Variants in TAOK2 observed in about 807,000 individuals in gnomAD.
The protein encoded by TAOK2 is serine/threonine-protein kinase TAO2.
In TAOK2, 42 loss-of-function variants were observed where a neutral mutation model predicts 122.5. The ratio of observed to expected loss-of-function variants is 0.34; its 90% CI spans 0.27 to 0.44. TAOK2 has a LOEUF of 0.44. Ranked by LOEUF, TAOK2 falls within the 20% of genes least tolerant of loss-of-function variation. The pLI, the probability that TAOK2 is intolerant of heterozygous loss-of-function variation, is 1.00. For synonymous variants in TAOK2, 704 were observed against 677.6 expected (o/e 1.04, Z -0.61); for missense variants, 1,264 against 1,644.9 (o/e 0.77, Z 4.01).
Position 29,987,777 on chromosome 16 carries a change from G to A in TAOK2, c.3505G>A (p.Ala1169Thr), listed in dbSNP as rs777238588. Reference sequence around the variant, plus strand: ...TCTGGCACGGGCCAGCCAGGGTTTAGCATCCCACTTGCCCCCGTGGGCCAT... The same window carrying A: ...TCTGGCACGGGCCAGCCAGGGTTTAACATCCCACTTGCCCCCGTGGGCCAT... ...WRLARASQGLASHLPPWAIHT... is the reference protein window; with the variant it reads ...WRLARASQGLTSHLPPWAIHT... The change falls in exon 16 of 16, where the codon GCA becomes ACA. Residue 1169 changes from alanine (A) to threonine (T), a missense_variant. By Grantham distance (58) the Ala-to-Thr change is moderately conservative. This residue lies in a region of TAOK2 where 824 missense variants were observed against 908.7 expected (regional missense o/e 0.91). Transcript: ENST00000308893. 2 of 1,614,012 alleles carry A rather than the reference G, an allele frequency of 1.2e-6. No individual in the cohort carries two copies. Among genetic ancestry groups the A allele is most frequent in the Admixed American group, 3.3e-5 (2 of 60,028 alleles).
Position 29,985,905 on chromosome 16 carries a change from C to T in TAOK2, c.1992+44C>T, listed in dbSNP as rs1211645942. On this transcript the variant is annotated intron_variant, in intron 15 of 15. Transcript: ENST00000308893. The surrounding 1 kb of genome is among the most constrained non-coding windows in gnomAD (Gnocchi z 6.9). ...GTTCCCCTCCCGCTCACTCGTGGAT[C>T]CCAGGGACCCACCCTTTTCCATTTT... is the stretch of plus-strand genomic sequence containing the variant. 1 of 1,582,028 alleles carries T rather than the reference C, an allele frequency of 6.3e-7. No individual in the cohort carries two copies. The highest frequency in any genetic ancestry group is 8.6e-7 in the Non-Finnish European group (1 of 1,161,408).
At chr16:29,989,475 C>G, downstream of TAOK2, 1 of 1,523,298 alleles carries the variant, frequency 6.6e-7, no homozygotes, top group Non-Finnish European at 8.8e-7. Context: ...CTTCTGTCTC[C>G]TCTCCTCTTC....
In TAOK2 at chr16:29,985,636, G is replaced by C. The variant is rs752911215; in HGVS notation, c.1789-22G>C. On this transcript the variant is annotated intron_variant, in intron 14 of 15. Coordinates refer to ENST00000308893, the MANE Select transcript of TAOK2 (RefSeq NM_016151.4). This position sits in a 1 kb window ranked among gnomAD's most constrained non-coding sequence, Gnocchi z 6.9. ...GGCGAGCCAGGTGGGTCCTGACCCTGCTTCCCTCTGCACTCGCCCAGGAGC... is the reference window on the plus strand; with the variant it reads ...GGCGAGCCAGGTGGGTCCTGACCCTCCTTCCCTCTGCACTCGCCCAGGAGC... The C allele has an allele frequency of 3.7e-6, 6 of 1,610,266 alleles. No homozygotes were observed. In the South Asian group the frequency reaches 6.6e-5, roughly 18 times the overall value.
At chr16:29,989,248 T>G (rs1261742835), downstream of TAOK2, 23 of 985,218 alleles carry the variant, frequency 2.3e-5, no homozygotes, top group Non-Finnish European at 2.8e-5. Flanking sequence ...CTCAGTTCCC[T>G]GTCCAGTAAC....
In TAOK2 at chr16:29,974,188, TC is replaced by T. The variant is rs1458110599; in HGVS notation, c.-494del. 1 of 152,206 alleles carries T rather than the reference TC, an allele frequency of 6.6e-6. No individual in the cohort carries two copies. Among genetic ancestry groups the T allele is most frequent in the East Asian group, 1.9e-4 (1 of 5,168 alleles). 9.4% of individuals were successfully genotyped at this position (152,206 alleles called of 1,614,324 possible). On this transcript the variant is annotated 5_prime_UTR_variant, in exon 1 of 16. Coordinates refer to ENST00000308893, the MANE Select transcript of TAOK2 (RefSeq NM_016151.4). ...GTCCCAAATTTCCAGGCTTTGCCCC[TC>T]CTCCTTTCTCAGATACCCGGGTAAC... is the stretch of plus-strand genomic sequence containing the variant.
At position 29,985,039 on chromosome 16, in the gene TAOK2, T is replaced by C. The variant is rs915838717; in HGVS notation, c.1423-174T>C. On this transcript the variant is annotated intron_variant, in intron 13 of 15. Coordinates refer to ENST00000308893, the MANE Select transcript of TAOK2 (RefSeq NM_016151.4). The surrounding 1 kb of genome is among the most constrained non-coding windows in gnomAD (Gnocchi z 6.9). ...CCACACCAACTTGTGATGTAGATAA[T>C]ATCACCATTATCCAGTTGAGGAAAC... The C allele has an allele frequency of 6.7e-5, 53 of 794,880 alleles. No homozygotes were observed. In the Admixed American group the frequency reaches 1.5e-3, roughly 22 times the overall value. The allele number at this position is 794,880 out of a possible 1,614,324, so 49.2% of individuals were successfully genotyped here.
chr16:29,975,111 T>C lies in TAOK2; in HGVS notation c.-36+463T>C, dbSNP rs147690313. Among the ~76,000 whole-genome samples, 102 of 152,228 alleles carry C rather than the reference T, an allele frequency of 6.7e-4. 1 individual carries two copies. The Middle Eastern group carries it at 0.02, about 30-fold the overall frequency. Reference sequence around the variant, plus strand: ...CCTTGCAAGGAAGTGTGTGTATATGTGTTTGTGTGTATGCGTGTGTGTGTG... The same window carrying C: ...CCTTGCAAGGAAGTGTGTGTATATGCGTTTGTGTGTATGCGTGTGTGTGTG... On this transcript the variant is annotated intron_variant, in intron 1 of 15. Transcript: ENST00000308893.
chr16:29,979,516 C>T lies in TAOK2; in HGVS notation c.655+8C>T, dbSNP rs758652462. ...TAACCTGCATCGAGCTGGGTAAGAACATCCTCCCTGTTCCCTCATCATCTT... is the reference window on the plus strand; with the variant it reads ...TAACCTGCATCGAGCTGGGTAAGAATATCCTCCCTGTTCCCTCATCATCTT... On this transcript the variant is annotated splice_region_variant and intron_variant, in intron 8 of 15. Coordinates refer to ENST00000308893, the MANE Select transcript of TAOK2 (RefSeq NM_016151.4). The surrounding 1 kb of genome is among the most constrained non-coding windows in gnomAD (Gnocchi z 4.1). The T allele has an allele frequency of 9.9e-6, 15 of 1,519,498 alleles. No individual in the cohort carries two copies. In the African/African-American group the frequency reaches 1.9e-4, roughly 20 times the overall value. 94.1% of individuals were successfully genotyped at this position (1,519,498 alleles called of 1,614,324 possible). A position where few individuals can be genotyped will look rare whatever the true frequency, so the allele number is the denominator to read the frequency against.
Position 29,979,814 on chromosome 16 carries a change from C to T in TAOK2, c.655+306C>T. Among the ~76,000 whole-genome samples, 1 of 152,192 alleles carries T rather than the reference C, an allele frequency of 6.6e-6. No individual in the cohort carries two copies. The highest frequency in any genetic ancestry group is 1.5e-5 in the Non-Finnish European group (1 of 68,038). ...TAGCAGTGAATGAAAATCCTGCCCT[C>T]ATGGAACTTACATTTGATTTAGGGA... On this transcript the variant is annotated intron_variant, in intron 8 of 15. Transcript: ENST00000308893. This position sits in a 1 kb window ranked among gnomAD's most constrained non-coding sequence, Gnocchi z 4.1.
Position 29,974,362 on chromosome 16 carries a change from G to C in TAOK2, c.-322G>C, listed in dbSNP as rs934007618. ...CCCGGGCGTTCAAATATCGGATTCA[G>C]TCTCCATCCCGTTCAGATATTCGGG... On this transcript the variant is annotated 5_prime_UTR_variant, in exon 1 of 16. Transcript: ENST00000308893. 1 of 152,650 alleles carries C rather than the reference G, an allele frequency of 6.6e-6. No homozygotes were observed. Among genetic ancestry groups the C allele is most frequent in the African/African-American group, 2.4e-5 (1 of 41,454 alleles). 9.5% of individuals were successfully genotyped at this position (152,650 alleles called of 1,614,324 possible). A position where few individuals can be genotyped will look rare whatever the true frequency, so the allele number is the denominator to read the frequency against.
rs199780579 is a variant in TAOK2 at position 29,979,843 on chromosome 16, C to A, written c.655+335C>A. Among the ~76,000 whole-genome samples the A allele has an allele frequency of 1.4e-3, 209 of 152,280 alleles. No individual in the cohort carries two copies. The highest frequency in any genetic ancestry group is 4.7e-3 in the African/African-American group (195 of 41,550). Reference sequence around the variant, plus strand: ...GAACTTACATTTGATTTAGGGAAACCAGGCAGGCATGTTTTCTTTCAATGT... The same window carrying A: ...GAACTTACATTTGATTTAGGGAAACAAGGCAGGCATGTTTTCTTTCAATGT... On this transcript the variant is annotated intron_variant, in intron 8 of 15. Coordinates refer to ENST00000308893, the MANE Select transcript of TAOK2 (RefSeq NM_016151.4). This position sits in a 1 kb window ranked among gnomAD's most constrained non-coding sequence, Gnocchi z 4.1.
At chr16:29,988,477 C>T (rs980710472), downstream of TAOK2, 53 of 1,219,300 alleles carry the variant, frequency 4.3e-5, no homozygotes, top group Non-Finnish European at 4.4e-5. Context: ...ACCCTCGGCC[C>T]GGCTCCATGA....
At position 29,978,980 on chromosome 16, in the gene TAOK2, A is replaced by T; in HGVS notation, c.359A>T (p.Lys120Met). The T allele has an allele frequency of 6.2e-7, 1 of 1,614,170 alleles. No individual in the cohort carries two copies. Among genetic ancestry groups the T allele is most frequent in the Non-Finnish European group, 8.5e-7 (1 of 1,180,032 alleles). Residue 120 changes from lysine (K) to methionine (M), a missense_variant, in exon 6 of 16, where the codon AAG becomes ATG. Around this residue, in one of 4 missense-constraint regions of TAOK2, gnomAD observed 254 missense variants for 503.8 expected, o/e 0.50. Transcript: ENST00000308893. ...GSASDLLEVH[K>M]KPLQEVEIAA... ...GTTCTTCCTCACTCTCCAGTGCACA[A>T]GAAACCCCTTCAGGAGGTAGAGATC...
In TAOK2 at chr16:29,987,772, G is replaced by A. The variant is rs970533552; in HGVS notation, c.3500G>A (p.Gly1167Asp). The A allele has an allele frequency of 4.2e-5, 67 of 1,613,906 alleles. No individual in the cohort carries two copies. The Middle Eastern group carries it at 4.9e-4, about 12-fold the overall frequency. ...WNWRLARASQ[G>D]LASHLPPWAI... ...TGGCGTCTGGCACGGGCCAGCCAGG[G>A]TTTAGCATCCCACTTGCCCCCGTGG... Residue 1167 changes from glycine to aspartate, a missense_variant, in exon 16 of 16, where the codon GGT (glycine) becomes GAT (aspartate). Coordinates refer to ENST00000308893, the MANE Select transcript of TAOK2 (RefSeq NM_016151.4).
At chr16:29,991,223 A>C (rs1235059794), downstream of TAOK2, 1 of 1,609,748 alleles carries the variant, frequency 6.2e-7, no homozygotes, top group African/African-American at 1.3e-5. This position sits in a 1 kb window ranked among gnomAD's most constrained non-coding sequence, Gnocchi z 5.6. Context: ...ATCCTGCTCC[A>C]CCCCCTGCCC....
intron 8 of TAOK2, among the ~76,000 whole-genome samples, chr16:29,980,099 T>C (rs2069570388): frequency 6.6e-6 from 1 of 152,208 alleles, no homozygotes; most frequent in South Asian, 2.1e-4. Flanking sequence ...GCTTCAGTTA[T>C]TTGGAACCTA....
chr16:29,975,987 C>T (rs1301573273), intron 1 of TAOK2, among the ~76,000 whole-genome samples: 1 of 152,176 alleles, frequency 6.6e-6, no homozygotes, highest in Non-Finnish European at 1.5e-5. Context: ...TACGGGTTTC[C>T]TCATCTGTAG....
At chr16:29,991,171 T>A (rs1285475222), downstream of TAOK2, 1 of 1,611,364 alleles carries the variant, frequency 6.2e-7, no homozygotes. This position sits in a 1 kb window ranked among gnomAD's most constrained non-coding sequence, Gnocchi z 5.6. Context: ...TTCTCCAGCA[T>A]GGCTCTGGGG....
At chr16:29,989,200 A>G (rs1432060650), downstream of TAOK2, 4 of 984,596 alleles carry the variant, frequency 4.1e-6, no homozygotes, top group African/African-American at 1.8e-5. Context: ...TCTAGGTCAC[A>G]GTCTCTCCCT....
Sources: allele counts gnomAD v4.1 joint callset (sites outside exome capture counted in the v4.1 genomes callset), GRCh38; gene constraint gnomAD v4.1.1; regional missense constraint gnomAD v4.1.1; non-coding constraint Gnocchi (gnomAD v3.1); transcripts MANE v1.5; gene names NCBI Gene and HGNC (gene_info 2026-07-23, HGNC 2026-07-21).